The following LOC400499 variants were observed in gnomAD, a reference collection of about 807,000 sequenced individuals.
At chr16:11,407,968 C>CTCTTTTTTTTTTTT in the LOC400499 span, among the ~76,000 whole-genome samples, 1 of 116,176 alleles carries the variant, frequency 8.6e-6, no homozygotes, top group African/African-American at 3.4e-5. Context: ...TGTTCCAGAG[C>CTCTTTTTTTTTTTT]TGTTTTTTTT....
At chr16:11,415,521 G>A in the LOC400499 span, among the ~76,000 whole-genome samples, 1 of 152,192 alleles carries the variant, frequency 6.6e-6, no homozygotes, top group Non-Finnish European at 1.5e-5. Flanking sequence ...ACCACTTGTG[G>A]GACATGCAGG....
the LOC400499 span, among the ~76,000 whole-genome samples, chr16:11,446,189 C>T: frequency 6.6e-6 from 1 of 152,146 alleles, no homozygotes; most frequent in Non-Finnish European, 1.5e-5. Context: ...TGCTCTGTTG[C>T]CCAGGCTGGA....
At chr16:11,479,864 GC>G in the LOC400499 span, among the ~76,000 whole-genome samples, 1 of 152,012 alleles carries the variant, frequency 6.6e-6, no homozygotes, top group Non-Finnish European at 1.5e-5. Context: ...AAACCCCACT[GC>G]GTCTCGTTGC....
At chr16:11,444,035 T>G in the LOC400499 span, among the ~76,000 whole-genome samples, 2 of 152,004 alleles carry the variant, frequency 1.3e-5, no homozygotes, top group African/African-American at 4.8e-5. Flanking sequence ...GAGATGGGGT[T>G]TTACCATATT....
At chr16:11,462,196 G>T in the LOC400499 span, 2 of 1,534,888 alleles carry the variant, frequency 1.3e-6, no homozygotes, top group Non-Finnish European at 1.7e-6. Flanking sequence ...GCCGTGTGAG[G>T]TTCCCGGTGA....
At chr16:11,440,967 A>C in the LOC400499 span, 1 of 398,998 alleles carries the variant, frequency 2.5e-6, no homozygotes. Flanking sequence ...GTCCAGGGCC[A>C]GGCTGTGCCG....
At chr16:11,486,143 CGAAT>C in the LOC400499 span, among the ~76,000 whole-genome samples, 4 of 112,592 alleles carry the variant, frequency 3.6e-5, no homozygotes, top group East Asian at 1.1e-3. Context: ...GGTGGGTAGA[CGAAT>C]GAATGATGGC....
At chr16:11,440,316 C>T in the LOC400499 span, among the ~76,000 whole-genome samples, 3 of 152,192 alleles carry the variant, frequency 2.0e-5, no homozygotes, top group Non-Finnish European at 4.4e-5. Flanking sequence ...GCCTCCCTTG[C>T]AGCTAGGTGG....
chr16:11,389,729 G>A, the LOC400499 span, among the ~76,000 whole-genome samples: 10 of 146,498 alleles, frequency 6.8e-5, no homozygotes, highest in African/African-American at 2.5e-4. Flanking sequence ...ACAAAAGCAA[G>A]GAAATGTGAC....
chr16:11,393,500 A>C, the LOC400499 span: 1 of 1,232,294 alleles, frequency 8.1e-7, no homozygotes, highest in Non-Finnish European at 1.0e-6. Flanking sequence ...CCAGGCTTTG[A>C]GAAGTCGAGG....
chr16:11,384,852 G>C, the LOC400499 span: 1 of 1,231,764 alleles, frequency 8.1e-7, no homozygotes, highest in Non-Finnish European at 1.0e-6. Flanking sequence ...AGAGTCCGCT[G>C]TAGGTGGGGC....
the LOC400499 span, among the ~76,000 whole-genome samples, chr16:11,379,097 C>A: frequency 6.6e-6 from 1 of 152,126 alleles, no homozygotes; most frequent in Non-Finnish European, 1.5e-5. Context: ...AACCCTGTCT[C>A]TACTGAAAAT....
chr16:11,414,097 G>T, the LOC400499 span, among the ~76,000 whole-genome samples: 3 of 152,352 alleles, frequency 2.0e-5, no homozygotes, highest in Middle Eastern at 3.4e-3. Context: ...GAAGGACGCA[G>T]GGCAGGAGCC....
chr16:11,505,440 CTTTTCTTTTTTTTTTTT>C, the LOC400499 span, among the ~76,000 whole-genome samples: 1 of 75,334 alleles, frequency 1.3e-5, no homozygotes, highest in Non-Finnish European at 2.9e-5. Flanking sequence ...TTTAATTTTT[CTTTTCTTTTTTTTTTTT>C]TTTTTTTTTT....
the LOC400499 span, among the ~76,000 whole-genome samples, chr16:11,433,933 G>A: frequency 6.6e-6 from 1 of 152,168 alleles, no homozygotes; most frequent in Non-Finnish European, 1.5e-5. Context: ...TATGTAAAAT[G>A]TTTCTCTGAG....
chr16:11,456,770 T>A, the LOC400499 span: 3 of 1,427,264 alleles, frequency 2.1e-6, no homozygotes, highest in Admixed American at 4.0e-5. Context: ...AAGGAAAAGG[T>A]GTTCCAGGAA....
the LOC400499 span, among the ~76,000 whole-genome samples, chr16:11,466,657 G>C: frequency 2.0e-5 from 3 of 152,078 alleles, no homozygotes; most frequent in African/African-American, 7.2e-5. Flanking sequence ...CCAAAGTGCT[G>C]GGATTATAGG....
chr16:11,421,299 C>G, the LOC400499 span, among the ~76,000 whole-genome samples: 601 of 152,352 alleles, frequency 3.9e-3, 6 homozygotes, highest in African/African-American at 0.014. Flanking sequence ...ACTTTCCCCC[C>G]AGGACTAGGC....
chr16:11,510,379 G>C, the LOC400499 span, among the ~76,000 whole-genome samples: 25 of 151,874 alleles, frequency 1.6e-4, 1 homozygote, highest in Admixed American at 4.6e-4. Context: ...CACAGAGGTC[G>C]TGCCTGCCCC....
Sources: allele counts gnomAD v4.1 joint callset (sites outside exome capture counted in the v4.1 genomes callset), GRCh38; gene constraint gnomAD v4.1.1; transcripts MANE v1.5.